The following RASGRP3 variants were observed in gnomAD, a reference collection of about 807,000 sequenced individuals.
RASGRP3 encodes the protein ras guanyl-releasing protein 3.
Under a neutral mutation model 82.7 loss-of-function variants are expected in RASGRP3, and 54 were observed. The ratio of observed to expected loss-of-function variants is 0.65; its 90% CI spans 0.52 to 0.82. RASGRP3 has a LOEUF of 0.82. RASGRP3 is among the 40% of genes least tolerant of loss of function. The pLI, the probability that RASGRP3 is intolerant of heterozygous loss-of-function variation, is 0.00. For synonymous variants in RASGRP3, 309 were observed against 300.5 expected (o/e 1.03, Z -0.29); for missense variants, 861 against 828.9 (o/e 1.04, Z -0.48).
chr2:33,528,066 C>G (rs1463586188), intron 10 of RASGRP3, among the ~76,000 whole-genome samples: 1 of 152,180 alleles, frequency 6.6e-6, no homozygotes, highest in Non-Finnish European at 1.5e-5. Context: ...GTGGCAAGTT[C>G]AATTTCAAAA....
Position 33,534,723 on chromosome 2 carries a change from A to C in RASGRP3, c.1161+323A>C, listed in dbSNP as rs1419712189. 4.5e-5 allele frequency among the ~76,000 whole-genome samples: 3 copies of C among 66,816 alleles called. No homozygotes were observed. In the East Asian group the frequency reaches 1.1e-3, roughly 25 times the overall value. 43.8% of individuals were successfully genotyped at this position (66,816 alleles called of 152,430 possible). A position where few individuals can be genotyped will look rare whatever the true frequency, so the allele number is the denominator to read the frequency against. On this transcript the variant is annotated intron_variant, in intron 11 of 17. Transcript: ENST00000403687. Reference sequence around the variant, plus strand: ...TTTTTTTTTTTTTTTTTGTATTTTTAGTAGAGATGGGGATTTCACTATGTT... The same window carrying C: ...TTTTTTTTTTTTTTTTTGTATTTTTCGTAGAGATGGGGATTTCACTATGTT...
intron 2 of RASGRP3, among the ~76,000 whole-genome samples, chr2:33,512,739 C>G (rs1242298792): frequency 1.3e-5 from 2 of 152,120 alleles, no homozygotes; most frequent in Non-Finnish European, 2.9e-5. Flanking sequence ...ATTTCCTCAC[C>G]CATTAATCCA....
At position 33,501,946 on chromosome 2, in the gene RASGRP3, G is replaced by A. The variant is rs544260038; in HGVS notation, c.-260-9764G>A. On this transcript the variant is annotated intron_variant, in intron 1 of 17. Coordinates refer to ENST00000403687, the MANE Select transcript of RASGRP3 (RefSeq NM_001139488.2). ...AAGAAGACAATGAAGAGAGCTTAGC[G>A]GGTGTAATGACTTTTGCCAGAGTAG... Among the ~76,000 whole-genome samples the A allele has an allele frequency of 5.9e-5, 9 of 152,292 alleles. No homozygotes were observed. The South Asian group carries it at 1.2e-3, about 21-fold the overall frequency.
chr2:33,496,483 A>C (rs796568554), intron 1 of RASGRP3, among the ~76,000 whole-genome samples: 25 of 152,356 alleles, frequency 1.6e-4, no homozygotes, highest in African/African-American at 5.8e-4. Context: ...AGAATGTTTC[A>C]GATAGGGCCT....
intron 4 of RASGRP3, among the ~76,000 whole-genome samples, chr2:33,519,025 A>G (rs1028087291): frequency 1.3e-5 from 2 of 152,266 alleles, no homozygotes; most frequent in African/African-American, 2.4e-5. Flanking sequence ...ACATAAACCA[A>G]TAACAGTCAT....
intron 9 of RASGRP3, among the ~76,000 whole-genome samples, chr2:33,525,740 G>A (rs1672496600): frequency 6.7e-6 from 1 of 149,002 alleles, no homozygotes; most frequent in Non-Finnish European, 1.5e-5. Context: ...AGCCAGGTGT[G>A]GCAGTGTGTG....
intron 1 of RASGRP3, among the ~76,000 whole-genome samples, chr2:33,491,919 G>C (rs1053975187): frequency 2.0e-5 from 3 of 152,216 alleles, no homozygotes; most frequent in African/African-American, 4.8e-5. Context: ...AGGGTAACGG[G>C]GGTGAACAAA....
At position 33,457,758 on chromosome 2, in the gene RASGRP3, C is replaced by G. The variant is rs561065224; in HGVS notation, c.-261+9815C>G. On this transcript the variant is annotated intron_variant, in intron 2 of 18. Transcript: ENST00000402538. ...GGCTCTTACGTGACTGATTGGGGAA[C>G]GAGAATCCTGGTTTCCTGTTCCTGG... Among the ~76,000 whole-genome samples the G allele has an allele frequency of 2.0e-5, 3 of 152,008 alleles. No homozygotes were observed. In the East Asian group the frequency reaches 5.8e-4, roughly 29 times the overall value.
chr2:33,501,668 C>T (rs1558452046), intron 1 of RASGRP3, among the ~76,000 whole-genome samples: 1 of 152,302 alleles, frequency 6.6e-6, no homozygotes, highest in Non-Finnish European at 1.5e-5. Context: ...TGTAGCTTGT[C>T]TCTGTTTGGT....
At chr2:33,475,353 A>G (rs1667295059), upstream of RASGRP3, among the ~76,000 whole-genome samples, 3 of 152,326 alleles carry the variant, frequency 2.0e-5, no homozygotes, top group African/African-American at 7.2e-5. Context: ...TGTATCCTCT[A>G]TATGGAGGGA....
chr2:33,562,507 G>C (rs1249892569), intron 17 of RASGRP3, among the ~76,000 whole-genome samples: 3 of 152,036 alleles, frequency 2.0e-5, no homozygotes, highest in Admixed American at 1.3e-4. Context: ...CTGGCCTCAA[G>C]TGATCCTCCC....
chr2:33,549,568 T>G (rs745821754), intron 13 of RASGRP3, 36 bp from the exon 14 acceptor site: 1 of 1,586,996 alleles, frequency 6.3e-7, no homozygotes, highest in East Asian at 2.2e-5. Flanking sequence ...AACCTGTTAT[T>G]TAAAGATTCC....
chr2:33,483,357 T>A (rs1668099872), intron 1 of RASGRP3, among the ~76,000 whole-genome samples: 1 of 152,192 alleles, frequency 6.6e-6, no homozygotes. Context: ...TAAAGTATTA[T>A]AAGTGTTCTC....
intron 11 of RASGRP3, among the ~76,000 whole-genome samples, chr2:33,537,283 TAGTG>T (rs1300512061): frequency 7.1e-6 from 1 of 141,298 alleles, no homozygotes; most frequent in Non-Finnish European, 1.5e-5. Flanking sequence ...CTGGGCAACA[TAGTG>T]AGACCCTGTC....
intron 1 of RASGRP3, among the ~76,000 whole-genome samples, chr2:33,511,234 C>G (rs1670894887): frequency 6.6e-6 from 1 of 152,126 alleles, no homozygotes; most frequent in African/African-American, 2.4e-5. Flanking sequence ...CCTAAACAAA[C>G]AGCAAGTTCT....
intron 1 of RASGRP3, among the ~76,000 whole-genome samples, chr2:33,497,720 T>A (rs996955393): frequency 9.2e-5 from 14 of 152,234 alleles, no homozygotes; most frequent in African/African-American, 2.9e-4. Context: ...TTGAGTACTT[T>A]CGGTATGTGT....
intron 1 of RASGRP3, among the ~76,000 whole-genome samples, chr2:33,480,869 G>A (rs1057310301): frequency 2.0e-5 from 3 of 152,172 alleles, no homozygotes; most frequent in Admixed American, 6.5e-5. Flanking sequence ...TAGCTTCAGA[G>A]TCTGTGGTGT....
In RASGRP3 at chr2:33,534,429, G is replaced by C. The variant is rs1290278284; in HGVS notation, c.1161+29G>C. ...GGTATTATTTTCTCTCCAAGGATCAGTACCAATCACTATTTTTTGTCATGT... is the reference window on the plus strand; with the variant it reads ...GGTATTATTTTCTCTCCAAGGATCACTACCAATCACTATTTTTTGTCATGT... On this transcript the variant is annotated intron_variant, in intron 11 of 17. Coordinates refer to ENST00000403687, the MANE Select transcript of RASGRP3 (RefSeq NM_001139488.2). The C allele has an allele frequency of 2.1e-6, 3 of 1,433,654 alleles. No individual in the cohort carries two copies. In the South Asian group the frequency reaches 3.6e-5, roughly 17 times the overall value. 88.8% of individuals were successfully genotyped at this position (1,433,654 alleles called of 1,614,324 possible). A position where few individuals can be genotyped will look rare whatever the true frequency, so the allele number is the denominator to read the frequency against.
chr2:33,512,579 T>A (rs780062620), intron 2 of RASGRP3, among the ~76,000 whole-genome samples: 2 of 152,196 alleles, frequency 1.3e-5, no homozygotes, highest in African/African-American at 2.4e-5. Flanking sequence ...TTTAGAAAAC[T>A]GGCAGAAATT....
Sources: allele counts gnomAD v4.1 joint callset (sites outside exome capture counted in the v4.1 genomes callset), GRCh38; gene constraint gnomAD v4.1.1; transcripts MANE v1.5; gene names NCBI Gene and HGNC (gene_info 2026-07-23, HGNC 2026-07-21).